TULP4: variants seen among roughly 807,000 people sequenced by gnomAD.
The protein encoded by TULP4 is tubby-related protein 4.
In TULP4, 16 loss-of-function variants were observed where a neutral mutation model predicts 129.0. That is an observed-to-expected ratio of 0.12 (90% CI 0.08 to 0.19). The LOEUF (loss-of-function observed/expected upper bound fraction) is 0.19. TULP4 is among the 10% of genes least tolerant of loss of function. The probability of loss-of-function intolerance (pLI) is 1.00; values close to 1 mark genes in which losing one functional copy is unlikely to be tolerated. For synonymous variants in TULP4, 998 were observed against 854.0 expected, an observed-to-expected ratio of 1.17 and a Z score of -2.94; for missense variants, 1,842 against 2,059.1, an observed-to-expected ratio of 0.89 and a Z score of 2.04.
chr6:158,408,170 C>T lies in TULP4; in HGVS notation c.253-4895C>T, dbSNP rs146579209. Reference sequence around the variant, plus strand: ...ACGGAGCGCAGTGTACCGTATGGGCCGGGACTGTGCAGAAGGTGCTGCACG... The same window carrying T: ...ACGGAGCGCAGTGTACCGTATGGGCTGGGACTGTGCAGAAGGTGCTGCACG... On this transcript the variant is annotated intron_variant, in intron 1 of 13. Transcript: ENST00000367097. 3.7e-3 allele frequency among the ~76,000 whole-genome samples: 556 copies of T among 152,204 alleles called. 3 individuals carry two copies. The highest frequency in any genetic ancestry group is 0.012 in the African/African-American group (511 of 41,542).
chr6:158,457,275 A>G (rs652114), intron 5 of TULP4, among the ~76,000 whole-genome samples: 18,130 of 152,200 alleles, frequency 0.12, 1,180 homozygotes, highest in African/African-American at 0.15. Flanking sequence ...TATCACCAGC[A>G]CTGGAATTTA....
intron 1 of TULP4, among the ~76,000 whole-genome samples, chr6:158,327,682 T>TG (rs1448554489): frequency 6.6e-6 from 1 of 152,108 alleles, no homozygotes; most frequent in East Asian, 1.9e-4. Flanking sequence ...AATTTTTTTT[T>TG]TGTCCATGCA....
At chr6:158,449,430 A>G (rs577120174) in intron 4 of TULP4, among the ~76,000 whole-genome samples, 1 of 152,226 alleles carries the variant, frequency 6.6e-6, no homozygotes, top group East Asian at 1.9e-4. Flanking sequence ...AGCTTTTCCT[A>G]GATATAAAGT....
Position 158,502,081 on chromosome 6 carries a change from G to A in TULP4, c.2418G>A (p.Arg806=), listed in dbSNP as rs1327754017. 1.2e-6 allele frequency: 2 copies of A among 1,612,354 alleles called. No individual in the cohort carries two copies. The highest frequency in any genetic ancestry group is 2.7e-5 in the African/African-American group (2 of 74,952). Residue 806 remains arginine (R), a synonymous_variant, in exon 13 of 14, where the codon CGG becomes CGA. Coordinates refer to ENST00000367097, the MANE Select transcript of TULP4 (RefSeq NM_020245.5). ...EHLQKSAKAL[R]PTPQLAAEGD... ...TGCAGAAGTCAGCCAAGGCCCTGCG[G>A]CCAACACCGCAGCTGGCAGCTGAGG...
chr6:158,489,701 T>A lies in TULP4; in HGVS notation c.1600T>A (p.Ser534Thr), dbSNP rs754053321. 2.5e-6 allele frequency: 4 copies of A among 1,614,154 alleles called. No individual in the cohort carries two copies. In the African/African-American group the frequency reaches 4.0e-5, roughly 16 times the overall value. The change falls in exon 9 of 14, where the codon TCC becomes ACC. Residue 534 changes from serine (S) to threonine (T), a missense_variant. By Grantham distance (58) the Ser-to-Thr change is moderately conservative. Transcript: ENST00000367097. ...GGCTGCCAAGAAATCTCCCAAAATC[T>A]CCAGAGCTAGCAAATCACCCAAACT... Reference protein sequence around the residue: ...DWAAKKSPKISRASKSPKLPR... With the variant: ...DWAAKKSPKITRASKSPKLPR...
chr6:158,433,115 C>G (rs1252695357), intron 3 of TULP4, among the ~76,000 whole-genome samples: 5 of 152,154 alleles, frequency 3.3e-5, no homozygotes, highest in African/African-American at 1.2e-4. Context: ...GTTGTTCTGT[C>G]TCTACAGTCT....
intron 1 of TULP4, among the ~76,000 whole-genome samples, chr6:158,283,861 G>A (rs1004511059): frequency 1.3e-5 from 2 of 151,844 alleles, no homozygotes; most frequent in African/African-American, 4.8e-5. Context: ...TCACCCTCTG[G>A]GAGTCCCCTG....
intron 1 of TULP4, among the ~76,000 whole-genome samples, chr6:158,320,576 T>G (rs889381001): frequency 4.0e-5 from 6 of 151,820 alleles, no homozygotes; most frequent in African/African-American, 1.5e-4. Context: ...TGATTACAGG[T>G]GCCCGCCACC....
At chr6:158,336,350 A>T (rs926076107) in intron 1 of TULP4, among the ~76,000 whole-genome samples, 2 of 152,222 alleles carry the variant, frequency 1.3e-5, no homozygotes, top group East Asian at 3.8e-4. Context: ...TGTGGTGTAT[A>T]TTACAAATGT....
chr6:158,241,056 C>T (rs1777890625), intron 1 of TULP4, among the ~76,000 whole-genome samples: 1 of 137,926 alleles, frequency 7.3e-6, no homozygotes, highest in Non-Finnish European at 1.6e-5. Context: ...AGACGCTCCT[C>T]ACCTCCCAGA....
At chr6:158,237,945 C>T (rs1777751025) in intron 1 of TULP4, 1 of 727,440 alleles carries the variant, frequency 1.4e-6, no homozygotes, top group Admixed American at 1.8e-5. Flanking sequence ...CACTAATTGC[C>T]TCCTCCCGCC....
At position 158,509,532 on chromosome 6, in the gene TULP4, G is replaced by A. The variant is rs1193738938; in HGVS notation, c.*2838G>A. On this transcript the variant is annotated 3_prime_UTR_variant, in exon 14 of 14. Transcript: ENST00000367097. ...AACCTGTTTAATAAGAGCAAATATA[G>A]GGGAAAATCTTTGAAATGAAAGCTA... 6.6e-6 allele frequency: 1 copy of A among 152,146 alleles called. No individual in the cohort carries two copies. The highest frequency in any genetic ancestry group is 1.5e-5 in the Non-Finnish European group (1 of 68,028). The allele number at this position is 152,146 out of a possible 1,614,324, so 9.4% of individuals were successfully genotyped here. A position where few individuals can be genotyped will look rare whatever the true frequency, so the allele number is the denominator to read the frequency against.
At chr6:158,451,549 C>T (rs1213428286) in intron 4 of TULP4, among the ~76,000 whole-genome samples, 1 of 152,204 alleles carries the variant, frequency 6.6e-6, no homozygotes, top group Non-Finnish European at 1.5e-5. Context: ...CTGCATGAGG[C>T]TCCAGAGCAG....
intron 1 of TULP4, among the ~76,000 whole-genome samples, chr6:158,364,222 C>A (rs140477269): frequency 1.5e-3 from 230 of 152,208 alleles, no homozygotes; most frequent in African/African-American, 5.2e-3. Context: ...TTATATCTAA[C>A]TAGAAGTTAA....
At chr6:158,479,618 C>T in intron 6 of TULP4, 133 bp from the exon 7 acceptor site, 1 of 802,470 alleles carries the variant, frequency 1.2e-6, no homozygotes, top group African/African-American at 1.7e-5. Flanking sequence ...GTCTAACATT[C>T]TCTACTGTGC....
Position 158,481,167 on chromosome 6 carries a change from G to A in TULP4, c.1364G>A (p.Gly455Asp), listed in dbSNP as rs1228890726. Residue 455 changes from glycine (G) to aspartate (D), a missense_variant, in exon 8 of 14, where the codon GGC becomes GAC. Coordinates refer to ENST00000367097, the MANE Select transcript of TULP4 (RefSeq NM_020245.5). ...ACAGAGGACGACCCGGAGGTGGGCGGCCCGTGCTACACGCTCTACCTGGAG... is the reference window on the plus strand; with the variant it reads ...ACAGAGGACGACCCGGAGGTGGGCGACCCGTGCTACACGCTCTACCTGGAG... ...KRTEDDPEVGGPCYTLYLEYL... is the reference protein window; with the variant it reads ...KRTEDDPEVGDPCYTLYLEYL... 6.2e-7 allele frequency: 1 copy of A among 1,614,074 alleles called. No individual in the cohort carries two copies. The highest frequency in any genetic ancestry group is 2.2e-5 in the East Asian group (1 of 44,894).
intron 1 of TULP4, among the ~76,000 whole-genome samples, chr6:158,348,172 G>GTTTTTTTTTTTTTTTTTTA (rs1294845534): frequency 5.3e-5 from 3 of 56,556 alleles, no homozygotes; most frequent in Non-Finnish European, 9.1e-5. Flanking sequence ...TTTTTTTTAA[G>GTTTTTTTTTTTTTTTTTTA]GTTTTTTTTT....
chr6:158,354,805 T>C (rs1332617203), intron 1 of TULP4, among the ~76,000 whole-genome samples: 1 of 150,514 alleles, frequency 6.6e-6, no homozygotes, highest in East Asian at 2.0e-4. Flanking sequence ...GGATGATTGC[T>C]TGGGCCCAGG....
At position 158,444,019 on chromosome 6, in the gene TULP4, A is replaced by C. The variant is rs550069690; in HGVS notation, c.544-4977A>C. Among the ~76,000 whole-genome samples, 30 of 151,888 alleles carry C rather than the reference A, an allele frequency of 2.0e-4. No homozygotes were observed. The East Asian group carries it at 5.2e-3, about 27-fold the overall frequency. On this transcript the variant is annotated intron_variant, in intron 3 of 13. Transcript: ENST00000367097. Reference sequence around the variant, plus strand: ...CGGATCACAAGGTCAGGAGATTGAGACCATCCTGGCTAACACGGTGAAACC... The same window carrying C: ...CGGATCACAAGGTCAGGAGATTGAGCCCATCCTGGCTAACACGGTGAAACC...
Sources: allele counts gnomAD v4.1 joint callset (sites outside exome capture counted in the v4.1 genomes callset), GRCh38; gene constraint gnomAD v4.1.1; transcripts MANE v1.5; gene names NCBI Gene and HGNC (gene_info 2026-07-23, HGNC 2026-07-21).